Variants in PEPD observed in about 807,000 individuals in gnomAD.
PEPD encodes peptidase D.
Under a neutral mutation model 60.7 loss-of-function variants are expected in PEPD, and 53 were observed. That is an observed-to-expected ratio of 0.87 (90% CI 0.70 to 1.10). PEPD has a LOEUF of 1.10. Ranked by LOEUF, PEPD falls within the 50% of genes least tolerant of loss-of-function variation. The pLI is 0.00. For missense variants in PEPD, 711 were observed against 711.9 expected, an observed-to-expected ratio of 1.00 and a Z score of 0.01; for synonymous variants, 267 against 284.1, an observed-to-expected ratio of 0.94 and a Z score of 0.60.
intron 9 of PEPD, among the ~76,000 whole-genome samples, chr19:33,442,138 C>T (rs929242917): frequency 6.6e-6 from 1 of 152,326 alleles, no homozygotes; most frequent in South Asian, 2.1e-4. Flanking sequence ...GTGGCTCATG[C>T]CTGTAATCCC....
At chr19:33,436,843 C>T (rs1005152197) in intron 9 of PEPD, among the ~76,000 whole-genome samples, 3 of 152,288 alleles carry the variant, frequency 2.0e-5, no homozygotes, top group South Asian at 2.1e-4. Flanking sequence ...TCATTGGGTC[C>T]GAGCACCAGC....
In PEPD at chr19:33,391,295, C is replaced by T. The variant is rs1294971523; in HGVS notation, c.1152G>A (p.Glu384=). The T allele has an allele frequency of 3.7e-6, 6 of 1,610,472 alleles. No individual in the cohort carries two copies. In the South Asian group the frequency reaches 4.4e-5, roughly 12 times the overall value. The change falls in exon 13 of 15, where the codon GAG becomes GAA. Residue 384 remains glutamate (E), a splice_region_variant and synonymous_variant. Coordinates refer to ENST00000244137, the MANE Select transcript of PEPD (RefSeq NM_000285.4). ...CTCCGCCTGCCATGTCCACACTGAC[C>T]TCTGGGTAGCCTCCCACGTCGTGCA... is the stretch of plus-strand genomic sequence containing the variant. ...IDVHDVGGYP[E]GVERIDEPGL...
rs79294912 is a variant in PEPD, at chr19:33,425,526, C to T, written c.672-11883G>A. Reference sequence around the variant, plus strand: ...GCTTTTAAGTTCACATTTCCCAAAGCACAATACGAGTCCACGGGATGACAT... The same window carrying T: ...GCTTTTAAGTTCACATTTCCCAAAGTACAATACGAGTCCACGGGATGACAT... On this transcript the variant is annotated intron_variant, in intron 9 of 14. Coordinates refer to ENST00000244137, the MANE Select transcript of PEPD (RefSeq NM_000285.4). 2.1e-3 allele frequency among the ~76,000 whole-genome samples: 325 copies of T among 152,270 alleles called. 1 individual carries two copies. Among genetic ancestry groups the T allele is most frequent in the Middle Eastern group, 3.4e-3 (1 of 294 alleles).
intron 7 of PEPD, among the ~76,000 whole-genome samples, chr19:33,474,502 A>G (rs1277047747): frequency 1.3e-5 from 2 of 152,156 alleles, no homozygotes; most frequent in South Asian, 4.1e-4. Context: ...AGCCTGGCTA[A>G]CATGATGAAA....
At chr19:33,406,099 G>A (rs149239090) in intron 11 of PEPD, among the ~76,000 whole-genome samples, 1 of 152,350 alleles carries the variant, frequency 6.6e-6, no homozygotes, top group Non-Finnish European at 1.5e-5. Context: ...ACAGCTGCCA[G>A]GAAAGCACAG....
rs8104606 is a variant in PEPD at position 33,397,554 on chromosome 19, G to T, written c.967+4167C>A. On this transcript the variant is annotated intron_variant, in intron 12 of 14. Coordinates refer to ENST00000244137, the MANE Select transcript of PEPD (RefSeq NM_000285.4). ...ACTGTGTGTGATCCAGATGGAGTCC[G>T]ACTCTGCCCTTGGGGGACACCAATG... Among the ~76,000 whole-genome samples the T allele has an allele frequency of 3.4e-4, 51 of 151,424 alleles. 1 individual carries two copies. The highest frequency in any genetic ancestry group is 1.2e-3 in the African/African-American group (50 of 41,262).
At chr19:33,489,962 GT>G in intron 6 of PEPD, 33 bp downstream of exon 6, 1 of 1,356,634 alleles carries the variant, frequency 7.4e-7, no homozygotes, top group Non-Finnish European at 1.0e-6. Context: ...GTGGGGGATG[GT>G]GGGGAAAGAG....
intron 9 of PEPD, among the ~76,000 whole-genome samples, chr19:33,434,883 T>G (rs1969344586): frequency 1.4e-5 from 2 of 137,940 alleles, no homozygotes; most frequent in African/African-American, 5.6e-5. Context: ...AGTGAAGGAC[T>G]GAGACAGGGC....
At chr19:33,510,324 CAGAA>C (rs1218899134) in intron 3 of PEPD, among the ~76,000 whole-genome samples, 13 of 152,098 alleles carry the variant, frequency 8.5e-5, no homozygotes, top group Admixed American at 7.2e-4. Flanking sequence ...AGGGAGAAGA[CAGAA>C]GGAAGAAGCT....
intron 9 of PEPD, among the ~76,000 whole-genome samples, chr19:33,461,338 G>A (rs1231261683): frequency 6.6e-6 from 1 of 152,152 alleles, no homozygotes; most frequent in Non-Finnish European, 1.5e-5. Flanking sequence ...TTACCTGGAA[G>A]GCATGAGGGC....
intron 6 of PEPD, 96 bp downstream of exon 6, chr19:33,489,900 A>G: frequency 1.3e-6 from 1 of 751,840 alleles, no homozygotes; most frequent in Non-Finnish European, 2.3e-6. Context: ...AGAAGTTTGC[A>G]TAGTTCATGT....
intron 10 of PEPD, 109 bp from the exon 11 acceptor site, chr19:33,411,858 C>T: frequency 1.4e-6 from 1 of 736,642 alleles, no homozygotes; most frequent in Admixed American, 2.0e-5. Flanking sequence ...TCCCCACCTC[C>T]AGCACAGGCC....
At chr19:33,416,554 G>T (rs566407487) in intron 9 of PEPD, among the ~76,000 whole-genome samples, 1 of 152,134 alleles carries the variant, frequency 6.6e-6, no homozygotes, top group Non-Finnish European at 1.5e-5. Flanking sequence ...AAGGCGGATG[G>T]GGTGGTACAC....
chr19:33,475,183 G>C (rs1970192727), intron 7 of PEPD, among the ~76,000 whole-genome samples: 1 of 151,920 alleles, frequency 6.6e-6, no homozygotes, highest in African/African-American at 2.4e-5. Flanking sequence ...GAGGAGATAG[G>C]GCTAGAATTC....
intron 9 of PEPD, among the ~76,000 whole-genome samples, chr19:33,440,044 G>C (rs1293347137): frequency 5.9e-5 from 9 of 152,146 alleles, no homozygotes; most frequent in African/African-American, 1.7e-4. Flanking sequence ...TTTGACACTG[G>C]CTTTTCCTCA....
chr19:33,469,158 C>T (rs765553156), intron 7 of PEPD, among the ~76,000 whole-genome samples: 2 of 152,164 alleles, frequency 1.3e-5, no homozygotes, highest in Admixed American at 6.5e-5. Context: ...CTCCTGGAGC[C>T]GCCCTCTGCC....
chr19:33,392,192 C>T (rs73584391), intron 12 of PEPD, among the ~76,000 whole-genome samples: 1,825 of 152,316 alleles, frequency 0.012, 45 homozygotes, highest in African/African-American at 0.042. Flanking sequence ...CAACTCATCT[C>T]TGCCGCATGT....
chr19:33,432,010 A>AAAAAAAAAAAAAAAAAAAAAAAAAC (rs1031542443), intron 9 of PEPD, among the ~76,000 whole-genome samples: 1 of 147,516 alleles, frequency 6.8e-6, no homozygotes, highest in African/African-American at 2.6e-5. Flanking sequence ...AAAAAAAAAA[A>AAAAAAAAAAAAAAAAAAAAAAAAAC]GGGAAGATTA....
At chr19:33,439,113 G>T (rs966684236) in intron 9 of PEPD, among the ~76,000 whole-genome samples, 10 of 152,252 alleles carry the variant, frequency 6.6e-5, no homozygotes, top group African/African-American at 2.4e-4. Context: ...ACATGGAGTC[G>T]AGGTTGGAGG....
Sources: allele counts gnomAD v4.1 joint callset (sites outside exome capture counted in the v4.1 genomes callset), GRCh38; gene constraint gnomAD v4.1.1; transcripts MANE v1.5; gene names NCBI Gene and HGNC (gene_info 2026-07-23, HGNC 2026-07-21).